AMDHD2: variants seen among roughly 807,000 people sequenced by gnomAD.
AMDHD2 encodes the protein N-acetylglucosamine-6-phosphate deacetylase.
AMDHD2 carries 24 observed loss-of-function variants against 41.8 expected under a neutral mutation model. The observed-to-expected ratio is 0.57, with a 90% CI of 0.42 to 0.81. The LOEUF (loss-of-function observed/expected upper bound fraction) is 0.81. Among genes scored for constraint, AMDHD2 ranks in the 30% least tolerant of loss-of-function variants. AMDHD2 has a pLI of 0.00. For synonymous variants in AMDHD2, 332 were observed against 255.5 expected (o/e 1.30, Z -2.85); for missense variants, 540 against 588.5 (o/e 0.92, Z 0.85).
intron 10 of AMDHD2, 50 bp from the exon 11 acceptor site, chr16:2,529,425 G>C: frequency 6.2e-7 from 1 of 1,601,370 alleles, no homozygotes; most frequent in Non-Finnish European, 8.5e-7. Context: ...CTCTGGGGTA[G>C]GTGGGCGGCC....
chr16:2,524,015 C>T (rs1164818978), intron 3 of AMDHD2, among the ~76,000 whole-genome samples: 1 of 152,224 alleles, frequency 6.6e-6, no homozygotes, highest in East Asian at 1.9e-4. Context: ...GTTTTCTTCC[C>T]AGCATGCACT....
rs923908243 is a variant in AMDHD2 at position 2,531,194 on chromosome 16, G to A, written c.*1631G>A. On this transcript the variant is annotated 3_prime_UTR_variant, in exon 11 of 11. Transcript: ENST00000293971. ...TGGCCTGCCCCATTCACCGGCCAGC[G>A]CCCCACCTCCCTGGCTGGAGGGTCG... The A allele has an allele frequency of 2.1e-5, 28 of 1,302,496 alleles. No individual in the cohort carries two copies. The African/African-American group carries it at 3.7e-4, about 17-fold the overall frequency. 80.7% of individuals were successfully genotyped at this position (1,302,496 alleles called of 1,614,324 possible).
rs770932211 is a variant in AMDHD2, at chr16:2,530,227, C to CAATAAA, written c.*669_*670insAAATAA. ...TGACCAGCGTTCTGTTTTCTCTTCT[C>CAATAAA]AATAACCCTATCTCTTCACACATCC... On this transcript the variant is annotated 3_prime_UTR_variant, in exon 11 of 11. Coordinates refer to ENST00000293971, the MANE Select transcript of AMDHD2 (RefSeq NM_001330449.2). 3 of 1,571,622 alleles carry CAATAAA rather than the reference C, an allele frequency of 1.9e-6. No homozygotes were observed. In the African/African-American group the frequency reaches 4.0e-5, roughly 21 times the overall value.
At position 2,530,864 on chromosome 16, in the gene AMDHD2, G is replaced by GT. The variant is rs2066083994; in HGVS notation, c.*1302dup. ...TGTGGATCCTGACCTCCTGAGAGGT[G>GT]TGAGGTGCAGGGATACCCACCTCTG... On this transcript the variant is annotated 3_prime_UTR_variant, in exon 11 of 11. Coordinates refer to ENST00000293971, the MANE Select transcript of AMDHD2 (RefSeq NM_001330449.2). 2 of 1,613,660 alleles carry GT rather than the reference G, an allele frequency of 1.2e-6. No homozygotes were observed. Among genetic ancestry groups the GT allele is most frequent in the Non-Finnish European group, 1.7e-6 (2 of 1,180,004 alleles).
chr16:2,530,743 G>A lies in AMDHD2; in HGVS notation c.*1180G>A, dbSNP rs1373931014. 6.2e-7 allele frequency: 1 copy of A among 1,613,700 alleles called. No homozygotes were observed. The highest frequency in any genetic ancestry group is 8.5e-7 in the Non-Finnish European group (1 of 1,179,862). On this transcript the variant is annotated 3_prime_UTR_variant, in exon 11 of 11. Coordinates refer to ENST00000293971, the MANE Select transcript of AMDHD2 (RefSeq NM_001330449.2). ...CAGCCAGGGAAGAACCACCTGCCTG[G>A]GCAGGGCCTCGCCTGAGGGAGGGCC... is the stretch of plus-strand genomic sequence containing the variant.
At position 2,527,568 on chromosome 16, in the gene AMDHD2, C is replaced by T. The variant is rs1469013077; in HGVS notation, c.368C>T (p.Pro123Leu). The change falls in exon 4 of 11, where the codon CCT becomes CTT. Residue 123 changes from proline to leucine, a missense_variant. Pro to Leu is a moderately conservative substitution (Grantham distance 98, BLOSUM62 -3). Transcript: ENST00000293971. This position sits in a 1 kb window ranked among gnomAD's most constrained non-coding sequence, Gnocchi z 6.1. The part of the protein sequence containing the change: ...SPPEVYHKVV[P>L]QIPVKSGGPH... ...ACAGCTGGTTCCCCCCAGGTTGTTC[C>T]TCAGATCCCTGTGAAGAGTGGTGGT... 2 of 1,613,008 alleles carry T rather than the reference C, an allele frequency of 1.2e-6. No individual in the cohort carries two copies. Among genetic ancestry groups the T allele is most frequent in the Non-Finnish European group, 8.5e-7 (1 of 1,179,618 alleles).
In AMDHD2 at chr16:2,530,520, A is replaced by G; in HGVS notation, c.*957A>G. ...TTGGTGCAGCCCCACGTCAGGGGTG[A>G]TTGTCTTGACTTTCTCTCCATTTGA... On this transcript the variant is annotated 3_prime_UTR_variant, in exon 11 of 11. Coordinates refer to ENST00000293971, the MANE Select transcript of AMDHD2 (RefSeq NM_001330449.2). 1 of 1,614,054 alleles carries G rather than the reference A, an allele frequency of 6.2e-7. No homozygotes were observed. The highest frequency in any genetic ancestry group is 8.5e-7 in the Non-Finnish European group (1 of 1,179,994).
At position 2,529,466 on chromosome 16, in the gene AMDHD2, C is replaced by G. The variant is rs1282233384; in HGVS notation, c.1142-9C>G. On this transcript the variant is annotated splice_polypyrimidine_tract_variant and intron_variant, in intron 10 of 10. Coordinates refer to ENST00000293971, the MANE Select transcript of AMDHD2 (RefSeq NM_001330449.2). The stretch of plus-strand genomic sequence containing the variant: ...CCTGCCCCCTACTCATTGCCCGGCT[C>G]TGTCCCAGACTTCGTGGTGCTCGAC... The G allele has an allele frequency of 3.7e-6, 6 of 1,609,354 alleles. No individual in the cohort carries two copies. Among genetic ancestry groups the G allele is most frequent in the East Asian group, 2.2e-5 (1 of 44,898 alleles).
At position 2,529,787 on chromosome 16, in the gene AMDHD2, C is replaced by T. The variant is rs538184253; in HGVS notation, c.*224C>T. 10 of 1,430,490 alleles carry T rather than the reference C, an allele frequency of 7.0e-6. No homozygotes were observed. Among genetic ancestry groups the T allele is most frequent in the African/African-American group, 5.7e-5 (4 of 69,784 alleles). 88.6% of individuals were successfully genotyped at this position (1,430,490 alleles called of 1,614,324 possible). A position where few individuals can be genotyped will look rare whatever the true frequency, so the allele number is the denominator to read the frequency against. ...CACATGTGGCACCATCCTTGGTTGC[C>T]CTCCTGGAGAAGGCATTCACGGCCT... On this transcript the variant is annotated 3_prime_UTR_variant, in exon 11 of 11. Transcript: ENST00000293971.
intron 1 of AMDHD2, 99 bp from the exon 2 acceptor site, chr16:2,520,670 G>T: frequency 7.6e-7 from 1 of 1,322,584 alleles, no homozygotes; most frequent in Non-Finnish European, 9.6e-7. Context: ...GCCGGGGACC[G>T]GGCGGGGTGC....
chr16:2,530,540 A>G lies in AMDHD2; in HGVS notation c.*977A>G, dbSNP rs747424909. ...GGGTGATTGTCTTGACTTTCTCTCC[A>G]TTTGAGTTCTGGGGTGGGTGGCTCC... On this transcript the variant is annotated 3_prime_UTR_variant, in exon 11 of 11. Coordinates refer to ENST00000293971, the MANE Select transcript of AMDHD2 (RefSeq NM_001330449.2). The G allele has an allele frequency of 4.3e-6, 7 of 1,614,126 alleles. No individual in the cohort carries two copies. The Admixed American group carries it at 8.3e-5, about 19-fold the overall frequency.
Position 2,530,450 on chromosome 16 carries a change from C to A in AMDHD2, c.*887C>A. On this transcript the variant is annotated 3_prime_UTR_variant, in exon 11 of 11. Coordinates refer to ENST00000293971, the MANE Select transcript of AMDHD2 (RefSeq NM_001330449.2). ...TTCGAGGCGGGTGGGCTTCTGGAGCCCTCTTGGCTCTGAGGACAGCCACAG... is the reference window on the plus strand; with the variant it reads ...TTCGAGGCGGGTGGGCTTCTGGAGCACTCTTGGCTCTGAGGACAGCCACAG... 4 of 1,614,100 alleles carry A rather than the reference C, an allele frequency of 2.5e-6. No homozygotes were observed. Among genetic ancestry groups the A allele is most frequent in the Non-Finnish European group, 3.4e-6 (4 of 1,180,004 alleles).
Position 2,530,488 on chromosome 16 carries a change from T to C in AMDHD2, c.*925T>C, listed in dbSNP as rs982709244. On this transcript the variant is annotated 3_prime_UTR_variant, in exon 11 of 11. Coordinates refer to ENST00000293971, the MANE Select transcript of AMDHD2 (RefSeq NM_001330449.2). ...AGGACAGCCACAGTGGGGTCAGACG[T>C]CAGGGATTGGTGCAGCCCCACGTCA... The C allele has an allele frequency of 6.2e-7, 1 of 1,613,962 alleles. No homozygotes were observed. The highest frequency in any genetic ancestry group is 8.5e-7 in the Non-Finnish European group (1 of 1,179,972).
chr16:2,520,463 G>A lies in AMDHD2; in HGVS notation c.5G>A (p.Arg2His), dbSNP rs2065916605. The change falls in exon 1 of 11, where the codon CGC becomes CAC. Residue 2 changes from arginine to histidine, a missense_variant. Arg to His is a conservative substitution (Grantham distance 29). Transcript: ENST00000293971. M[R>H]GEQGAAGARV... is the part of the protein sequence containing the mutation. Reference sequence around the variant, plus strand: ...TCGCTCCCGACACGGCTCACGATGCGCGGCGAGCAGGGCGCGGCGGGGGCC... The same window carrying A: ...TCGCTCCCGACACGGCTCACGATGCACGGCGAGCAGGGCGCGGCGGGGGCC... 8.1e-7 allele frequency: 1 copy of A among 1,238,202 alleles called. No homozygotes were observed. Among genetic ancestry groups the A allele is most frequent in the Non-Finnish European group, 1.0e-6 (1 of 984,106 alleles). The allele number at this position is 1,238,202 out of a possible 1,614,324, so 76.7% of individuals were successfully genotyped here.
chr16:2,529,182 G>A lies in AMDHD2; in HGVS notation c.1141+87G>A, dbSNP rs564185133. On this transcript the variant is annotated intron_variant, in intron 10 of 10. Transcript: ENST00000293971. ...GGGGCGGCCTGGACAGGGCCAGGGA[G>A]GGTGGGTCCTCCCTAGCTCCCTCCT... The A allele has an allele frequency of 1.1e-5, 14 of 1,310,036 alleles. No individual in the cohort carries two copies. In the South Asian group the frequency reaches 1.8e-4, roughly 17 times the overall value. The allele number at this position is 1,310,036 out of a possible 1,614,324, so 81.2% of individuals were successfully genotyped here.
chr16:2,525,814 G>A (rs1402796328), intron 3 of AMDHD2, among the ~76,000 whole-genome samples: 1 of 152,234 alleles, frequency 6.6e-6, no homozygotes, highest in Non-Finnish European at 1.5e-5. Context: ...CAGGTGCTGG[G>A]ATTACTGGCG....
intron 3 of AMDHD2, among the ~76,000 whole-genome samples, chr16:2,525,045 T>C (rs972716076): frequency 4.0e-5 from 6 of 151,604 alleles, no homozygotes; most frequent in African/African-American, 1.5e-4. Flanking sequence ...GTTTCACTCT[T>C]CTCTCTGGCC....
At position 2,529,694 on chromosome 16, in the gene AMDHD2, T is replaced by C. The variant is rs1276520678; in HGVS notation, c.*131T>C. The C allele has an allele frequency of 1.3e-6, 2 of 1,493,474 alleles. No individual in the cohort carries two copies. The highest frequency in any genetic ancestry group is 2.1e-5 in the Admixed American group (1 of 47,290). 92.5% of individuals were successfully genotyped at this position (1,493,474 alleles called of 1,614,324 possible). A position where few individuals can be genotyped will look rare whatever the true frequency, so the allele number is the denominator to read the frequency against. On this transcript the variant is annotated 3_prime_UTR_variant, in exon 11 of 11. Coordinates refer to ENST00000293971, the MANE Select transcript of AMDHD2 (RefSeq NM_001330449.2). ...ATGCCCAGGGCCTGTGCGGCCGCCC[T>C]GGAGGCGGTGGCTGGGATAAACGTG...
In AMDHD2 at chr16:2,529,024, C is replaced by T. The variant is rs1320848620; in HGVS notation, c.1070C>T (p.Ala357Val). The change falls in exon 10 of 11, where the codon GCA (alanine) becomes GTA (valine). Residue 357 changes from alanine (A) to valine (V), a missense_variant. By Grantham distance (64) the Ala-to-Val change is moderately conservative (BLOSUM62 0). Coordinates refer to ENST00000293971, the MANE Select transcript of AMDHD2 (RefSeq NM_001330449.2). ...AGCATGGAGTCGGCCCTGGAGGCTG[C>T]ATCCCTGCACCCCGCCCAGTTGCTG... Reference protein sequence around the residue: ...GCSMESALEAASLHPAQLLGL... With the variant: ...GCSMESALEAVSLHPAQLLGL... 1 of 1,593,832 alleles carries T rather than the reference C, an allele frequency of 6.3e-7. No individual in the cohort carries two copies.
Sources: allele counts gnomAD v4.1 joint callset (sites outside exome capture counted in the v4.1 genomes callset), GRCh38; gene constraint gnomAD v4.1.1; non-coding constraint Gnocchi (gnomAD v3.1); transcripts MANE v1.5; gene names NCBI Gene and HGNC (gene_info 2026-07-23, HGNC 2026-07-21).